Variants in ZNF766 observed in about 807,000 individuals in gnomAD.
ZNF766 encodes zinc finger protein 766.
A neutral mutation model predicts 13.2 loss-of-function variants in ZNF766; 13 were observed. The observed-to-expected ratio is 0.98, with a 90% CI of 0.64 to 1.56. The LOEUF is 1.56. Ranked by LOEUF, ZNF766 falls within the 40% of genes most tolerant of loss-of-function variation. The pLI is 0.00. For synonymous variants in ZNF766, 178 were observed against 187.6 expected, an observed-to-expected ratio of 0.95 and a Z score of 0.42; for missense variants, 521 against 552.2, an observed-to-expected ratio of 0.94 and a Z score of 0.57.
rs770711105 is a variant in ZNF766, at chr19:52,290,317, C to T, written c.526C>T (p.Gln176Ter). 19 of 1,613,810 alleles carry T rather than the reference C, an allele frequency of 1.2e-5. No individual in the cohort carries two copies. In the Admixed American group the frequency reaches 1.7e-4, roughly 14 times the overall value. The change falls in exon 4 of 4, where the codon CAA (glutamine) becomes TAA (stop). Residue 176 changes from glutamine (Q) to a stop codon, truncating the protein, a stop_gained. Coordinates refer to ENST00000439461, the MANE Select transcript of ZNF766 (RefSeq NM_001010851.3). LOFTEE classifies it low-confidence loss of function (END_TRUNC). ...NDFVDFPLLSQEQKAHIRRKP... is the reference protein window; with the variant it reads ...NDFVDFPLLS ...TTTTGTTGATTTTCCATTGCTGTCA[C>T]AAGAACAGAAAGCACACATTAGGAG... is the stretch of plus-strand genomic sequence containing the variant.
Position 52,290,712 on chromosome 19 carries a change from T to G in ZNF766, c.921T>G (p.Val307=). ...KPHKCNKCGK[V]YSSSSYLAQH... Reference sequence around the variant, plus strand: ...ATAAATGTAACAAATGTGGCAAGGTTTATAGTAGCAGTTCATACCTAGCAC... The same window carrying G: ...ATAAATGTAACAAATGTGGCAAGGTGTATAGTAGCAGTTCATACCTAGCAC... The change falls in exon 4 of 4, where the codon GTT becomes GTG. Residue 307 remains valine, a synonymous_variant. Transcript: ENST00000439461. 6.2e-7 allele frequency: 1 copy of G among 1,613,798 alleles called. No homozygotes were observed. Among genetic ancestry groups the G allele is most frequent in the Non-Finnish European group, 8.5e-7 (1 of 1,179,870 alleles).
In ZNF766 at chr19:52,290,841, T is replaced by C. The variant is rs1287635318; in HGVS notation, c.1050T>C (p.Thr350=). ...TCACCACCCATCTGTTAATCCACAC[T>C]GGAGAGAAACCTTACAAATGTAAAG... The part of the protein sequence containing the change: ...SSLTTHLLIH[T]GEKPYKCKEC... Residue 350 remains threonine (T), a synonymous_variant, in exon 4 of 4, where the codon ACT becomes ACC. Coordinates refer to ENST00000439461, the MANE Select transcript of ZNF766 (RefSeq NM_001010851.3). 6.2e-7 allele frequency: 1 copy of C among 1,613,934 alleles called. No homozygotes were observed. The highest frequency in any genetic ancestry group is 1.7e-5 in the Admixed American group (1 of 59,988).
chr19:52,286,832 T>C (rs1192694004), intron 3 of ZNF766, among the ~76,000 whole-genome samples: 2 of 152,160 alleles, frequency 1.3e-5, no homozygotes, highest in Admixed American at 6.6e-5. Flanking sequence ...AATATTGCTC[T>C]GCAGTTTTGT....
chr19:52,271,327 A>G (rs773710944), intron 1 of ZNF766, among the ~76,000 whole-genome samples: 10 of 152,168 alleles, frequency 6.6e-5, no homozygotes, highest in Non-Finnish European at 1.2e-4. Flanking sequence ...GATACTATCA[A>G]AATTGAGTTA....
intron 1 of ZNF766, among the ~76,000 whole-genome samples, chr19:52,279,006 G>A (rs1981351463): frequency 1.3e-5 from 2 of 152,084 alleles, no homozygotes; most frequent in Admixed American, 1.3e-4. Context: ...TTATAGTTTG[G>A]GGTTTTACAC....
intron 1 of ZNF766, among the ~76,000 whole-genome samples, chr19:52,280,048 A>G (rs1439379862): frequency 3.3e-5 from 5 of 152,196 alleles, no homozygotes; most frequent in Admixed American, 3.3e-4. Context: ...CGCCCGCCTC[A>G]GCCTCCCAAA....
chr19:52,287,657 A>C (rs1156529136), intron 3 of ZNF766, among the ~76,000 whole-genome samples: 2 of 152,122 alleles, frequency 1.3e-5, no homozygotes, highest in African/African-American at 4.8e-5. Flanking sequence ...CAGTCTTCTT[A>C]TTTGTTACTG....
intron 3 of ZNF766, 29 bp from the exon 4 acceptor site, chr19:52,290,037 C>G: frequency 1.3e-6 from 2 of 1,557,422 alleles, no homozygotes; most frequent in East Asian, 2.3e-5. Flanking sequence ...ACCATGGGTT[C>G]AAATTATACT....
intron 1 of ZNF766, among the ~76,000 whole-genome samples, chr19:52,278,274 A>G (rs1314376994): frequency 3.9e-5 from 6 of 151,956 alleles, no homozygotes; most frequent in Non-Finnish European, 5.9e-5. Flanking sequence ...GACTAATGAG[A>G]TGGTATCTCA....
Position 52,286,155 on chromosome 19 carries a change from AAAAG to A in ZNF766, c.274+2757_274+2760del, listed in dbSNP as rs554520382. On this transcript the variant is annotated intron_variant, in intron 3 of 3. Transcript: ENST00000439461. ...CCGGAAGAGCTCAATTAAAAAAAAA[AAAAG>A]AAAGAAAGAAAGAATCCAAGTGGGC... Among the ~76,000 whole-genome samples, 409 of 144,974 alleles carry A rather than the reference AAAAG, an allele frequency of 2.8e-3. 2 individuals carry two copies. The highest frequency in any genetic ancestry group is 5.1e-3 in the African/African-American group (186 of 36,134).
intron 1 of ZNF766, chr19:52,277,292 T>C (rs544870425): frequency 3.1e-6 from 3 of 980,594 alleles, no homozygotes; most frequent in South Asian, 1.8e-5. Context: ...ACCCCGTCTC[T>C]ACTACGAATA....
At position 52,295,908 on chromosome 19, in the gene ZNF766, A is replaced by C. The variant is rs183891829; in HGVS notation, c.*4710A>C. The stretch of plus-strand genomic sequence containing the variant: ...TTTGTTTTGTTTTTTGCTTTTCTAC[A>C]TAATTGTTTGGATAATCTTGTCAGT... On this transcript the variant is annotated 3_prime_UTR_variant, in exon 4 of 4. Coordinates refer to ENST00000439461, the MANE Select transcript of ZNF766 (RefSeq NM_001010851.3). The C allele has an allele frequency of 6.6e-6, 1 of 151,746 alleles. No individual in the cohort carries two copies. The highest frequency in any genetic ancestry group is 2.4e-5 in the African/African-American group (1 of 41,290). 9.4% of individuals were successfully genotyped at this position (151,746 alleles called of 1,614,324 possible). A position where few individuals can be genotyped will look rare whatever the true frequency, so the allele number is the denominator to read the frequency against.
chr19:52,283,313 C>T lies in ZNF766; in HGVS notation c.174C>T (p.Ile58=), dbSNP rs562195357. ...TCTGTCTTCCTGACCTGAGTATTATCTCCATGATGAAGCAAAGGACAGAGC... is the reference window on the plus strand; with the variant it reads ...TCTGTCTTCCTGACCTGAGTATTATTTCCATGATGAAGCAAAGGACAGAGC... The part of the protein sequence containing the change: ...LGICLPDLSI[I]SMMKQRTEPW... The change falls in exon 3 of 4, where the codon ATC becomes ATT. Residue 58 remains isoleucine, a synonymous_variant. Transcript: ENST00000439461. 1.6e-4 allele frequency: 253 copies of T among 1,613,806 alleles called. No individual in the cohort carries two copies. Among genetic ancestry groups the T allele is most frequent in the Non-Finnish European group, 2.1e-4 (242 of 1,179,918 alleles).
At chr19:52,288,177 T>C (rs1240991240) in intron 3 of ZNF766, 2 of 268,152 alleles carry the variant, frequency 7.5e-6, no homozygotes, top group African/African-American at 2.4e-5. Context: ...CATGCCACCA[T>C]GTCCAGCTAA....
chr19:52,278,621 C>G (rs1600196866), intron 1 of ZNF766, among the ~76,000 whole-genome samples: 2 of 152,072 alleles, frequency 1.3e-5, no homozygotes, highest in Non-Finnish European at 2.9e-5. Context: ...CCAGGCTGGT[C>G]TCGGAACTTC....
At chr19:52,277,440 C>T (rs763503216) in intron 1 of ZNF766, 17 of 1,521,324 alleles carry the variant, frequency 1.1e-5, no homozygotes, top group Non-Finnish European at 1.4e-5. Flanking sequence ...GCCTGGGTGA[C>T]AGAGTGAGAC....
intron 3 of ZNF766, among the ~76,000 whole-genome samples, chr19:52,285,752 G>C (rs1981785219): frequency 6.6e-6 from 1 of 152,194 alleles, no homozygotes; most frequent in Admixed American, 6.5e-5. Flanking sequence ...GAGGTCTTAA[G>C]ACCCGCAATC....
intron 3 of ZNF766, among the ~76,000 whole-genome samples, chr19:52,285,984 C>T (rs1342774195): frequency 6.6e-6 from 1 of 152,074 alleles, no homozygotes; most frequent in African/African-American, 2.4e-5. Flanking sequence ...TGGAACGTGT[C>T]CTCCCTGGAT....
At chr19:52,278,647 C>G (rs1333645838) in intron 1 of ZNF766, among the ~76,000 whole-genome samples, 1 of 152,168 alleles carries the variant, frequency 6.6e-6, no homozygotes, top group Non-Finnish European at 1.5e-5. Flanking sequence ...TCAGGTGATC[C>G]AACTGCCTCA....
Sources: gnomAD v4.1 joint callset for allele counts (sites outside exome capture counted in the v4.1 genomes callset) on GRCh38, gnomAD v4.1.1 for gene constraint, MANE v1.5 for transcripts, NCBI Gene and HGNC (gene_info 2026-07-23, HGNC 2026-07-21) for gene names.